Variants in LRRC37A2 observed in about 807,000 individuals in gnomAD.
LRRC37A2 encodes the protein leucine-rich repeat-containing protein 37A2.
Under a neutral mutation model 68.8 loss-of-function variants are expected in LRRC37A2, and 9 were observed. The observed-to-expected ratio is 0.13, with a 90% confidence interval of 0.08 to 0.23. LRRC37A2 has a LOEUF of 0.23. Among genes scored for constraint, LRRC37A2 ranks in the 10% least tolerant of loss-of-function variants. The pLI is 1.00. For synonymous variants in LRRC37A2, 63 were observed against 367.6 expected (o/e 0.17, Z 9.48); for missense variants, 168 against 950.4 (o/e 0.18, Z 10.82).
At chr17:46,812,805 C>T in the LRRC37A2 span, among the ~76,000 whole-genome samples, 1 of 152,192 alleles carries the variant, frequency 6.6e-6, no homozygotes, top group Non-Finnish European at 1.5e-5. Context: ...TTCAGTGAGC[C>T]AATAGCTTGC....
chr17:47,017,696 C>T, the LRRC37A2 span: 1 of 1,610,986 alleles, frequency 6.2e-7, no homozygotes, highest in Non-Finnish European at 8.5e-7. Context: ...GAATTATACG[C>T]CAATTATCCA....
the LRRC37A2 span, among the ~76,000 whole-genome samples, chr17:46,771,692 G>A: frequency 1.4e-5 from 2 of 143,014 alleles, no homozygotes; most frequent in Non-Finnish European, 3.1e-5. Context: ...GGCGGCTCCC[G>A]CGGCCGGGCC....
chr17:46,499,705 G>A, the LRRC37A2 span, among the ~76,000 whole-genome samples: 1 of 104,822 alleles, frequency 9.5e-6, no homozygotes, highest in African/African-American at 5.2e-5. Context: ...CACAGCAAAG[G>A]GTAGTAGAGG....
chr17:46,878,024 C>G, the LRRC37A2 span, among the ~76,000 whole-genome samples: 1 of 152,214 alleles, frequency 6.6e-6, no homozygotes, highest in Non-Finnish European at 1.5e-5. Flanking sequence ...AGACTGGTAC[C>G]TCCACACAGG....
the LRRC37A2 span, among the ~76,000 whole-genome samples, chr17:46,823,219 T>TTA: frequency 1.2e-4 from 17 of 136,140 alleles, no homozygotes; most frequent in South Asian, 3.5e-3. Context: ...ATATTATATA[T>TTA]TATATATATA....
At chr17:46,534,462 C>T (rs1187030911) in intron 6 of LRRC37A2, among the ~76,000 whole-genome samples, 38 of 148,690 alleles carry the variant, frequency 2.6e-4, no homozygotes, top group Admixed American at 6.0e-4. Flanking sequence ...GCCCTTAATC[C>T]ATTCAACCCT....
At chr17:46,761,334 GTTTT>G in the LRRC37A2 span, among the ~76,000 whole-genome samples, 2 of 137,588 alleles carry the variant, frequency 1.5e-5, no homozygotes, top group Non-Finnish European at 3.2e-5. Flanking sequence ...TTTTTTGTTT[GTTTT>G]TTTTTTTTTT....
chr17:47,036,704 T>C, the LRRC37A2 span, among the ~76,000 whole-genome samples: 4 of 151,134 alleles, frequency 2.6e-5, no homozygotes, highest in Non-Finnish European at 5.9e-5. Flanking sequence ...TTTATTTGTC[T>C]GTCCACATTC....
At chr17:46,404,395 T>G in the LRRC37A2 span, among the ~76,000 whole-genome samples, 1 of 106,900 alleles carries the variant, frequency 9.4e-6, no homozygotes, top group Non-Finnish European at 2.1e-5. Context: ...CGACACTAAC[T>G]TTCGTACAAT....
At chr17:46,812,833 A>G in the LRRC37A2 span, among the ~76,000 whole-genome samples, 1 of 152,240 alleles carries the variant, frequency 6.6e-6, no homozygotes, top group South Asian at 2.1e-4. Context: ...AGGTGAAAAT[A>G]GCTAACATCG....
chr17:46,967,103 G>T, the LRRC37A2 span: 2 of 156,834 alleles, frequency 1.3e-5, no homozygotes, highest in African/African-American at 4.8e-5. Context: ...GACAGTTCTG[G>T]TCCTCAGGGG....
chr17:46,958,145 CA>C, the LRRC37A2 span, among the ~76,000 whole-genome samples: 1 of 152,144 alleles, frequency 6.6e-6, no homozygotes, highest in African/African-American at 2.4e-5. Context: ...AGCAACTGGC[CA>C]GGGGGCCTCA....
chr17:46,739,023 T>A, the LRRC37A2 span, among the ~76,000 whole-genome samples: 1 of 138,292 alleles, frequency 7.2e-6, no homozygotes, highest in African/African-American at 2.7e-5. Flanking sequence ...ATCGCTTGAG[T>A]CCAGGACTTC....
chr17:46,996,990 C>T, the LRRC37A2 span, among the ~76,000 whole-genome samples: 21 of 152,272 alleles, frequency 1.4e-4, no homozygotes, highest in African/African-American at 3.8e-4. Flanking sequence ...GAATAGTTAA[C>T]GAGGAGGAGT....
the LRRC37A2 span, among the ~76,000 whole-genome samples, chr17:46,816,119 A>ACGCACG: frequency 2.7e-5 from 4 of 150,552 alleles, no homozygotes; most frequent in Non-Finnish European, 5.9e-5. Flanking sequence ...ACGTACACAC[A>ACGCACG]CACACACACA....
the LRRC37A2 span, among the ~76,000 whole-genome samples, chr17:47,002,494 A>G: frequency 6.6e-6 from 1 of 151,312 alleles, no homozygotes; most frequent in African/African-American, 2.4e-5. Context: ...GGGTTCAAGC[A>G]TTTCTCCTGC....
At chr17:46,933,914 C>T in the LRRC37A2 span, among the ~76,000 whole-genome samples, 906 of 149,766 alleles carry the variant, frequency 6.0e-3, 4 homozygotes, top group African/African-American at 0.021. Context: ...TGCTCTCTAT[C>T]CTGGGTGACA....
chr17:46,941,415 T>C, the LRRC37A2 span: 1 of 978,554 alleles, frequency 1.0e-6, no homozygotes, highest in Non-Finnish European at 1.2e-6. Context: ...AATGGCCCCC[T>C]TTTTTTATGT....
chr17:47,020,804 A>G, the LRRC37A2 span, among the ~76,000 whole-genome samples: 2 of 146,458 alleles, frequency 1.4e-5, no homozygotes, highest in African/African-American at 2.5e-5. Flanking sequence ...AAAAAAAAAA[A>G]AATAGGAGGG....
Sources: gnomAD v4.1 joint callset for allele counts (sites outside exome capture counted in the v4.1 genomes callset) on GRCh38, gnomAD v4.1.1 for gene constraint, MANE v1.5 for transcripts, NCBI Gene and HGNC (gene_info 2026-07-23, HGNC 2026-07-21) for gene names.